Variants in PROM1 observed in about 807,000 individuals in gnomAD.
The protein encoded by PROM1 is prominin 1, also known as prominin-1.
PROM1 carries 105 observed loss-of-function variants against 116.9 expected under a neutral mutation model. The ratio of observed to expected loss-of-function variants is 0.90; its 90% CI spans 0.77 to 1.06. The LOEUF is 1.06. PROM1 is among the 50% of genes least tolerant of loss of function. The pLI is 0.00. For missense variants in PROM1, 1,122 were observed against 1,045.2 expected, an observed-to-expected ratio of 1.07 and a Z score of -1.01; for synonymous variants, 393 against 387.0, an observed-to-expected ratio of 1.02 and a Z score of -0.18.
At chr4:15,994,509 G>A (rs1055053201) in intron 15 of PROM1, among the ~76,000 whole-genome samples, 8 of 152,170 alleles carry the variant, frequency 5.3e-5, no homozygotes, top group Non-Finnish European at 7.4e-5. Context: ...AGGGCCGAGC[G>A]GCACTGACTA....
At chr4:15,985,899 A>ATACAGATAAAAATATTTAG (rs1719260064) in intron 21 of PROM1, 58 bp downstream of exon 21, 20 of 1,392,974 alleles carry the variant, frequency 1.4e-5, no homozygotes, top group Middle Eastern at 1.8e-4. Flanking sequence ...TAAATATTTA[A>ATACAGATAAAAATATTTAG]TCTGTAACAT....
At chr4:16,039,603 T>A (rs1734711856) in intron 2 of PROM1, among the ~76,000 whole-genome samples, 1 of 151,740 alleles carries the variant, frequency 6.6e-6, no homozygotes, top group Non-Finnish European at 1.5e-5. Context: ...CCAGGCGTGG[T>A]GGCGCATGCC....
At chr4:16,051,751 G>C (rs528023511) in intron 2 of PROM1, among the ~76,000 whole-genome samples, 1 of 152,264 alleles carries the variant, frequency 6.6e-6, no homozygotes, top group Non-Finnish European at 1.5e-5. Context: ...TCTCCCAGCC[G>C]AGCAAACTGG....
intron 2 of PROM1, among the ~76,000 whole-genome samples, chr4:16,050,995 G>A (rs1425689982): frequency 6.6e-6 from 1 of 152,236 alleles, no homozygotes; most frequent in Non-Finnish European, 1.5e-5. Flanking sequence ...ACAAAATAAA[G>A]TAGGTGTGCT....
chr4:16,004,829 TTTTCTTCCTTC>T (rs1560459965), intron 13 of PROM1, among the ~76,000 whole-genome samples: 17 of 90,178 alleles, frequency 1.9e-4, no homozygotes, highest in Non-Finnish European at 1.5e-4. Context: ...CTTTCTTTCT[TTTTCTTCCTTC>T]CTTCCTTCCT....
chr4:16,063,151 G>A (rs902706715), intron 2 of PROM1, among the ~76,000 whole-genome samples: 3 of 152,186 alleles, frequency 2.0e-5, no homozygotes, highest in African/African-American at 7.2e-5. Flanking sequence ...TACAGGAAAT[G>A]CAGTAGACAG....
intron 6 of PROM1, 25 bp downstream of exon 6, chr4:16,025,167 G>A (rs193262311): frequency 1.7e-5 from 27 of 1,607,978 alleles, no homozygotes; most frequent in Admixed American, 1.0e-4. Context: ...AAAGCATCGC[G>A]GTACATAGAG....
chr4:16,075,778 G>C lies in PROM1; in HGVS notation c.129C>G (p.Thr43=), dbSNP rs10033086. ...TGGGTCCAGCTTTATGGGAGTCTTG[G>C]GTCTCATAATTTGTTGCAGGCAATT... ...NYELPATNYE[T]QDSHKAGPIG... Residue 43 remains threonine, a synonymous_variant, in exon 2 of 28, where the codon ACC becomes ACG. Transcript: ENST00000447510. 6.2e-7 allele frequency: 1 copy of C among 1,613,514 alleles called. No individual in the cohort carries two copies. The highest frequency in any genetic ancestry group is 1.3e-5 in the African/African-American group (1 of 74,816).
In PROM1 at chr4:15,979,422, T is replaced by C. The variant is rs772737866; in HGVS notation, c.2555A>G (p.Tyr852Cys). 79 of 1,613,466 alleles carry C rather than the reference T, an allele frequency of 4.9e-5. No individual in the cohort carries two copies. The highest frequency in any genetic ancestry group is 4.2e-5 in the Non-Finnish European group (50 of 1,179,714). ...TGTCATAACAGGATTGTGAATACCA[T>C]ATACATGATCTTTATGATAACCATT... ...GNNGYHKDHV[Y>C]GIHNPVMTSP... Residue 852 changes from tyrosine to cysteine, a missense_variant, in exon 26 of 28, where the codon TAT (tyrosine) becomes TGT (cysteine). Tyr to Cys is a radical substitution (Grantham distance 194, BLOSUM62 -2). Coordinates refer to ENST00000447510, the MANE Select transcript of PROM1 (RefSeq NM_006017.3).
chr4:16,050,017 C>T (rs1034025139), intron 2 of PROM1, among the ~76,000 whole-genome samples: 2 of 151,872 alleles, frequency 1.3e-5, no homozygotes, highest in Non-Finnish European at 2.9e-5. Context: ...AATCCCAGCA[C>T]TTTGAGAGGC....
At chr4:16,056,852 C>T (rs918666482) in intron 2 of PROM1, among the ~76,000 whole-genome samples, 1 of 152,176 alleles carries the variant, frequency 6.6e-6, no homozygotes. Context: ...CATTAGGAGG[C>T]CCTGGCCATG....
At chr4:16,080,734 T>A (rs1744882824) in intron 1 of PROM1, 1 of 152,190 alleles carries the variant, frequency 6.6e-6, no homozygotes, top group Non-Finnish European at 1.5e-5. Flanking sequence ...TGCCTTGCAT[T>A]GTGAGGTCAG....
Position 15,992,360 on chromosome 4 carries a change from C to A in PROM1, c.1799G>T (p.Ser600Ile), listed in dbSNP as rs375948650. Residue 600 changes from serine to isoleucine, a missense_variant, in exon 17 of 28, where the codon AGT becomes ATT. Coordinates refer to ENST00000447510, the MANE Select transcript of PROM1 (RefSeq NM_006017.3). ...HTGSISSELE[S>I]LKVNLNIFLL... ...AAAGATATTAAGATTTACCTTCAGA[C>A]TTTCCAATTCACTGCTTATGCTTCC... 1.9e-5 allele frequency: 31 copies of A among 1,613,780 alleles called. No individual in the cohort carries two copies. The highest frequency in any genetic ancestry group is 2.5e-5 in the Non-Finnish European group (30 of 1,179,848).
chr4:15,978,715 G>A (rs1716893351), intron 26 of PROM1, among the ~76,000 whole-genome samples: 1 of 152,220 alleles, frequency 6.6e-6, no homozygotes, highest in Non-Finnish European at 1.5e-5. Flanking sequence ...GCCCACTGAA[G>A]AGGACAGCCC....
Position 15,980,606 on chromosome 4 carries a change from ATTTTTTTTTTTTTTT to A in PROM1, c.2374-84_2374-70del. On this transcript the variant is annotated intron_variant, in intron 23 of 27. Coordinates refer to ENST00000447510, the MANE Select transcript of PROM1 (RefSeq NM_006017.3). ...AATGGGAAAAACAGTTGTTTGGGGG[ATTTTTTTTTTTTTTT>A]TTTTTTTTTGGAATTTTTAAAAATG... 4.1e-6 allele frequency: 3 copies of A among 727,334 alleles called. No individual in the cohort carries two copies. In the South Asian group the frequency reaches 5.7e-5, roughly 14 times the overall value. 45.1% of individuals were successfully genotyped at this position (727,334 alleles called of 1,614,324 possible).
intron 5 of PROM1, among the ~76,000 whole-genome samples, chr4:16,027,072 G>A (rs1312033630): frequency 6.6e-6 from 1 of 152,108 alleles, no homozygotes; most frequent in African/African-American, 2.4e-5. Flanking sequence ...GGATGTACAC[G>A]TTCTCTAAGA....
At chr4:16,017,539 G>A (rs1728703067) in intron 9 of PROM1, among the ~76,000 whole-genome samples, 2 of 152,234 alleles carry the variant, frequency 1.3e-5, no homozygotes, top group South Asian at 4.1e-4. Context: ...AATGTGAGGT[G>A]TCCGGGCGTG....
rs1203366908 is a variant in PROM1 at position 16,004,832 on chromosome 4, T to TTCTTTCTTTTTCTTCCTTC, written c.1454+1705_1454+1706insGAAGGAAGAAAAAGAAAGA. Among the ~76,000 whole-genome samples, 6 of 122,610 alleles carry TTCTTTCTTTTTCTTCCTTC rather than the reference T, an allele frequency of 4.9e-5. No individual in the cohort carries two copies. In the East Asian group the frequency reaches 7.4e-4, roughly 15 times the overall value. 80.4% of individuals were successfully genotyped at this position (122,610 alleles called of 152,430 possible). A position where few individuals can be genotyped will look rare whatever the true frequency, so the allele number is the denominator to read the frequency against. On this transcript the variant is annotated intron_variant, in intron 13 of 27. Transcript: ENST00000447510. ...CTTTCTTTCTTTCTTTCTTTCTTTT[T>TTCTTTCTTTTTCTTCCTTC]CTTCCTTCCTTCCTTCCTTCCTTCC...
chr4:16,004,844 C>CT (rs1560460230), intron 13 of PROM1, among the ~76,000 whole-genome samples: 49 of 127,908 alleles, frequency 3.8e-4, no homozygotes, highest in African/African-American at 1.3e-3. Context: ...TTCCTTCCTT[C>CT]CTTCCTTCCT....
Sources: allele counts gnomAD v4.1 joint callset (sites outside exome capture counted in the v4.1 genomes callset), GRCh38; gene constraint gnomAD v4.1.1; transcripts MANE v1.5; gene names NCBI Gene and HGNC (gene_info 2026-07-23, HGNC 2026-07-21).